The following TTLL8 variants were observed in gnomAD, a reference collection of about 807,000 sequenced individuals.
TTLL8 encodes tubulin tyrosine ligase like 8.
In TTLL8, 65 loss-of-function variants were observed where a neutral mutation model predicts 77.8. The ratio of observed to expected loss-of-function variants is 0.84; its 90% CI spans 0.68 to 1.03. The LOEUF (loss-of-function observed/expected upper bound fraction) is 1.03. TTLL8 is among the 50% of genes least tolerant of loss of function. TTLL8 has a pLI of 0.00. For missense variants in TTLL8, 910 were observed against 1,004.5 expected (o/e 0.91, Z 1.27); for synonymous variants, 402 against 422.8 (o/e 0.95, Z 0.60).
At chr22:50,025,280 C>CAAA (rs111507174) in intron 12 of TTLL8, among the ~76,000 whole-genome samples, 28 of 126,166 alleles carry the variant, frequency 2.2e-4, no homozygotes, top group Non-Finnish European at 4.1e-4. Context: ...GCAAAAACTC[C>CAAA]AAAAAAAAAA....
chr22:50,031,802 T>C (rs756266276), exon 11 of TTLL8: 3 of 1,366,888 alleles, frequency 2.2e-6, no homozygotes, highest in Non-Finnish European at 2.9e-6. Context: ...GACGGGTGCA[T>C]GGTGGGGCTG....
Position 50,020,434 on chromosome 22 carries a change from T to C in TTLL8, c.2204-3872A>G, listed in dbSNP as rs554876291. Among the ~76,000 whole-genome samples, 20 of 148,112 alleles carry C rather than the reference T, an allele frequency of 1.4e-4. No homozygotes were observed. In the South Asian group the frequency reaches 4.3e-3, roughly 32 times the overall value. On this transcript the variant is annotated intron_variant, in intron 12 of 13. Transcript: ENST00000266182. ...GTGTACTCCTCCATCTGACGTGCACTACTCCATCTGACGAAATGCACTCCT... is the reference window on the plus strand; with the variant it reads ...GTGTACTCCTCCATCTGACGTGCACCACTCCATCTGACGAAATGCACTCCT...
At chr22:50,037,456 C>T (rs985422140) in intron 8 of TTLL8, among the ~76,000 whole-genome samples, 6 of 152,310 alleles carry the variant, frequency 3.9e-5, no homozygotes, top group Middle Eastern at 3.4e-3. Flanking sequence ...CTGCCCGCCT[C>T]GGCCTAGTGC....
intron 12 of TTLL8, among the ~76,000 whole-genome samples, chr22:50,021,449 ACTC>A (rs1425659305): frequency 1.6e-5 from 2 of 121,686 alleles, no homozygotes; most frequent in Admixed American, 1.8e-4. Context: ...TCTGACGTGC[ACTC>A]CTCCATGTGA....
intron 5 of TTLL8, 62 bp downstream of exon 7, chr22:50,045,794 G>A: frequency 7.8e-7 from 1 of 1,284,002 alleles, no homozygotes. Context: ...CAGCACCAGG[G>A]GGATCTTTCT....
chr22:50,035,391 G>C (rs1179294940), intron 8 of TTLL8, among the ~76,000 whole-genome samples: 1 of 152,198 alleles, frequency 6.6e-6, no homozygotes, highest in Non-Finnish European at 1.5e-5. Flanking sequence ...GTGAGGCTGG[G>C]GTGTCCCTGA....
At chr22:50,040,621 C>T (rs1217509005) in intron 8 of TTLL8, among the ~76,000 whole-genome samples, 2 of 152,216 alleles carry the variant, frequency 1.3e-5, no homozygotes, top group Non-Finnish European at 2.9e-5. Flanking sequence ...TTTCTTCCAC[C>T]TGTACAAATA....
chr22:50,043,710 T>A (rs376791370), intron 6 of TTLL8, among the ~76,000 whole-genome samples: 53 of 152,264 alleles, frequency 3.5e-4, no homozygotes, highest in African/African-American at 1.3e-3. Context: ...TCTCAAGCCA[T>A]GAAAAGACCT....
intron 11 of TTLL8, 145 bp downstream of exon 12, chr22:50,031,541 G>A (rs2061292865): frequency 6.8e-6 from 8 of 1,182,216 alleles, no homozygotes; most frequent in South Asian, 3.1e-5. Context: ...CAGCGGGACC[G>A]AGCATGGTCA....
intron 1 of TTLL8, among the ~76,000 whole-genome samples, chr22:50,051,540 G>C (rs997387166): frequency 3.3e-5 from 5 of 152,164 alleles, no homozygotes; most frequent in African/African-American, 7.2e-5. Flanking sequence ...CTTATCATCT[G>C]GGTAGATGCC....
upstream of TTLL8, among the ~76,000 whole-genome samples, chr22:50,058,292 G>A (rs1223783184): frequency 6.8e-6 from 1 of 147,700 alleles, no homozygotes; most frequent in Admixed American, 6.7e-5. The surrounding 1 kb of genome is among the most constrained non-coding windows in gnomAD (Gnocchi z 4.2). Flanking sequence ...GTGCAGCGGC[G>A]GCGGCCCCGG....
rs989090453 is a variant in TTLL8, at chr22:50,042,385, A to G, written c.644-578T>C. 4.6e-5 allele frequency among the ~76,000 whole-genome samples: 7 copies of G among 152,270 alleles called. No individual in the cohort carries two copies. The East Asian group carries it at 1.3e-3, about 29-fold the overall frequency. On this transcript the variant is annotated intron_variant, in intron 6 of 13. Coordinates refer to ENST00000266182, the Ensembl canonical transcript of TTLL8. Reference sequence around the variant, plus strand: ...AGGCTGGATGGCAAGATCTTGGCTCACTGCAACCTCCGCCTCCTGGGTTCA... The same window carrying G: ...AGGCTGGATGGCAAGATCTTGGCTCGCTGCAACCTCCGCCTCCTGGGTTCA...
intron 10 of TTLL8, 149 bp from the exon 12 acceptor site, chr22:50,032,258 T>A: frequency 1.3e-6 from 1 of 788,578 alleles, no homozygotes; most frequent in East Asian, 5.7e-5. Context: ...GGGGCCCAGC[T>A]GGGATGAGCG....
upstream of TTLL8, among the ~76,000 whole-genome samples, chr22:50,054,829 G>A (rs1041312579): frequency 2.0e-5 from 3 of 152,114 alleles, no homozygotes; most frequent in Non-Finnish European, 2.9e-5. Flanking sequence ...AGGCCAAGGC[G>A]GGCAGATCAC....
intron 12 of TTLL8, among the ~76,000 whole-genome samples, chr22:50,025,773 G>C (rs1601905812): frequency 6.6e-6 from 1 of 152,122 alleles, no homozygotes; most frequent in East Asian, 1.9e-4. Flanking sequence ...TATCTGAAAG[G>C]CTAATGAACA....
chr22:50,040,728 AAAAGAAT>A (rs2061365317), intron 8 of TTLL8, among the ~76,000 whole-genome samples: 2 of 152,258 alleles, frequency 1.3e-5, no homozygotes, highest in Admixed American at 1.3e-4. Context: ...AGAAAGAGAC[AAAAGAAT>A]AAACACCACC....
At chr22:50,055,547 C>T (rs1569236055), upstream of TTLL8, among the ~76,000 whole-genome samples, 2 of 151,510 alleles carry the variant, frequency 1.3e-5, no homozygotes, top group African/African-American at 4.9e-5. Context: ...CCCAGCTACT[C>T]GGAAGGCTGA....
rs959589518 is a variant in TTLL8, at chr22:50,044,651, C to A, written c.643+604G>T. ...GCGCCAATGTTCATCTGTCAACAGT[C>A]GAAGCGCACTGCTCTGGTGGGGGAT... On this transcript the variant is annotated intron_variant, in intron 6 of 13. Coordinates refer to ENST00000266182, the Ensembl canonical transcript of TTLL8. This position sits in a 1 kb window ranked among gnomAD's most constrained non-coding sequence, Gnocchi z 4.2. Among the ~76,000 whole-genome samples the A allele has an allele frequency of 6.6e-6, 1 of 152,196 alleles. No homozygotes were observed. Among genetic ancestry groups the A allele is most frequent in the Admixed American group, 6.5e-5 (1 of 15,270 alleles).
At chr22:50,026,564 G>A (rs952405835) in intron 12 of TTLL8, among the ~76,000 whole-genome samples, 7 of 152,212 alleles carry the variant, frequency 4.6e-5, no homozygotes, top group East Asian at 1.9e-4. Context: ...AGACCGTGCC[G>A]CTCCACCTGT....
Sources: allele counts gnomAD v4.1 joint callset (sites outside exome capture counted in the v4.1 genomes callset), GRCh38; gene constraint gnomAD v4.1.1; non-coding constraint Gnocchi (gnomAD v3.1); transcripts MANE v1.5; gene names NCBI Gene and HGNC (gene_info 2026-07-23, HGNC 2026-07-21).